FTO: variants seen among roughly 807,000 people sequenced by gnomAD.
FTO encodes the protein FTO alpha-ketoglutarate dependent dioxygenase, also known as alpha-ketoglutarate-dependent dioxygenase FTO.
A neutral mutation model predicts 63.9 loss-of-function variants in FTO; 47 were observed. The observed-to-expected ratio is 0.74, with a 90% CI of 0.58 to 0.94. The LOEUF (loss-of-function observed/expected upper bound fraction) is 0.94, where lower values mean the gene tolerates loss of function less well. FTO is among the 40% of genes least tolerant of loss of function. The pLI is 0.00. For missense variants in FTO, 562 were observed against 618.1 expected (o/e 0.91, Z 0.96); for synonymous variants, 207 against 224.4 (o/e 0.92, Z 0.69).
chr16:54,016,375 A>G (rs1385433481), intron 8 of FTO, among the ~76,000 whole-genome samples: 3 of 151,514 alleles, frequency 2.0e-5, no homozygotes, highest in African/African-American at 7.3e-5. Context: ...GCAGCTGCCC[A>G]TTTTAGATGA....
chr16:53,804,632 C>CT (rs10602540), intron 1 of FTO, among the ~76,000 whole-genome samples: 1,455 of 130,138 alleles, frequency 0.011, 32 homozygotes, highest in African/African-American at 0.033. Context: ...TCTTATTGAT[C>CT]TTTTTTTTTT....
chr16:53,815,793 C>T lies in FTO; in HGVS notation c.123+5576C>T, dbSNP rs145780258. 2.1e-3 allele frequency among the ~76,000 whole-genome samples: 323 copies of T among 151,850 alleles called. 2 individuals carry two copies. The highest frequency in any genetic ancestry group is 7.2e-3 in the African/African-American group (298 of 41,376). On this transcript the variant is annotated intron_variant, in intron 2 of 8. Coordinates refer to ENST00000471389, the MANE Select transcript of FTO (RefSeq NM_001080432.3). ...CCTCCCGAATAGCTGGGACTACAGG[C>T]GCGCGTCACCATGCCTGGCCAATTT...
intron 8 of FTO, chr16:53,984,802 T>A: frequency 2.5e-6 from 1 of 396,768 alleles, no homozygotes; most frequent in Admixed American, 3.0e-5. Context: ...GTCAGTGATA[T>A]TGGGATATGA....
In FTO at chr16:53,889,066, A is replaced by T. The variant is rs1038159588; in HGVS notation, c.1239+115A>T. ...TAATTATTCCTAATTATCAAGTTAG[A>T]TTCTTCTTGGTAAGGTGATGGGTAT... On this transcript the variant is annotated intron_variant, in intron 7 of 8. Coordinates refer to ENST00000471389, the MANE Select transcript of FTO (RefSeq NM_001080432.3). The T allele has an allele frequency of 2.3e-5, 29 of 1,260,936 alleles. No homozygotes were observed. In the African/African-American group the frequency reaches 2.5e-4, roughly 11 times the overall value. The allele number at this position is 1,260,936 out of a possible 1,614,324, so 78.1% of individuals were successfully genotyped here.
At chr16:54,025,856 T>C (rs2084701580) in intron 8 of FTO, among the ~76,000 whole-genome samples, 1 of 152,030 alleles carries the variant, frequency 6.6e-6, no homozygotes, top group Non-Finnish European at 1.5e-5. Flanking sequence ...CTACTAAAAA[T>C]ACAAAAATTA....
intron 8 of FTO, among the ~76,000 whole-genome samples, chr16:54,093,603 G>A (rs1386840808): frequency 6.6e-6 from 1 of 152,236 alleles, no homozygotes; most frequent in African/African-American, 2.4e-5. Flanking sequence ...GTTTGCAGGA[G>A]CTGGAAAGGT....
At chr16:54,089,659 G>A (rs188249378) in intron 8 of FTO, among the ~76,000 whole-genome samples, 1 of 152,246 alleles carries the variant, frequency 6.6e-6, no homozygotes, top group East Asian at 1.9e-4. Context: ...AATGTCCAGA[G>A]TATGTAAAGA....
At chr16:53,765,124 C>T (rs747855261) in intron 1 of FTO, among the ~76,000 whole-genome samples, 1 of 152,104 alleles carries the variant, frequency 6.6e-6, no homozygotes, top group Non-Finnish European at 1.5e-5. Flanking sequence ...AGTTGCTTCC[C>T]GCATGTTCAT....
intron 8 of FTO, among the ~76,000 whole-genome samples, chr16:53,958,198 C>T (rs2082973984): frequency 6.6e-6 from 1 of 152,188 alleles, no homozygotes; most frequent in Admixed American, 6.6e-5. Flanking sequence ...TTTAAGAGAT[C>T]AGTGAATCGG....
chr16:53,773,364 C>T (rs753581132), intron 1 of FTO, among the ~76,000 whole-genome samples: 4 of 152,044 alleles, frequency 2.6e-5, no homozygotes, highest in Admixed American at 6.6e-5. Context: ...CACACAGCCA[C>T]GCCATAGAAC....
intron 8 of FTO, among the ~76,000 whole-genome samples, chr16:54,105,763 GT>G (rs1177236281): frequency 2.8e-5 from 4 of 144,144 alleles, no homozygotes; most frequent in Non-Finnish European, 6.0e-5. Context: ...TCTCCATCAA[GT>G]TCTAGTCTGT....
At chr16:54,031,323 C>T (rs113226222) in intron 8 of FTO, among the ~76,000 whole-genome samples, 2,060 of 152,200 alleles carry the variant, frequency 0.014, 42 homozygotes, top group African/African-American at 0.046. Context: ...AGTGGTGTTG[C>T]GGCAGAAAAA....
chr16:54,105,584 A>G (rs1391704657), intron 8 of FTO, among the ~76,000 whole-genome samples: 1 of 152,228 alleles, frequency 6.6e-6, no homozygotes, highest in African/African-American at 2.4e-5. Context: ...CTAGATTATT[A>G]GGAAAGTAAG....
chr16:53,850,886 C>T (rs1395286679), intron 4 of FTO, among the ~76,000 whole-genome samples: 2 of 152,050 alleles, frequency 1.3e-5, no homozygotes, highest in African/African-American at 2.4e-5. Flanking sequence ...GAATTATATA[C>T]TTTCTTTTTT....
At chr16:53,940,189 A>G (rs566719206) in intron 8 of FTO, among the ~76,000 whole-genome samples, 31 of 151,726 alleles carry the variant, frequency 2.0e-4, no homozygotes, top group Admixed American at 1.8e-3. Flanking sequence ...TAGATATCCT[A>G]GTGGTATATT....
chr16:54,110,563 G>A (rs1444060588), intron 8 of FTO, among the ~76,000 whole-genome samples: 4 of 152,182 alleles, frequency 2.6e-5, no homozygotes, highest in African/African-American at 7.2e-5. Flanking sequence ...TCCCCGGGGG[G>A]ATCCCCTCAC....
intron 8 of FTO, among the ~76,000 whole-genome samples, chr16:54,048,457 C>T (rs192207088): frequency 7.2e-5 from 11 of 151,954 alleles, no homozygotes; most frequent in African/African-American, 1.9e-4. Flanking sequence ...CAACGCTGTG[C>T]AAGCCATAAA....
chr16:53,958,801 G>A (rs891819799), intron 8 of FTO, among the ~76,000 whole-genome samples: 15 of 152,158 alleles, frequency 9.9e-5, no homozygotes, highest in African/African-American at 2.9e-4. Flanking sequence ...CATCTAGGCC[G>A]GTGGATTCAC....
At chr16:53,861,720 A>G (rs1158665853) in intron 4 of FTO, among the ~76,000 whole-genome samples, 2 of 152,210 alleles carry the variant, frequency 1.3e-5, no homozygotes, top group Non-Finnish European at 2.9e-5. Flanking sequence ...GAAATTATTT[A>G]ACTGCGTTTA....
Sources: gnomAD v4.1 joint callset for allele counts (sites outside exome capture counted in the v4.1 genomes callset) on GRCh38, gnomAD v4.1.1 for gene constraint, MANE v1.5 for transcripts, NCBI Gene and HGNC (gene_info 2026-07-23, HGNC 2026-07-21) for gene names.